The following C9orf85 variants were observed in gnomAD, a reference collection of about 807,000 sequenced individuals.
C9orf85 encodes chromosome 9 open reading frame 85, also known as uncharacterized protein C9orf85.
A neutral mutation model predicts 14.9 loss-of-function variants in C9orf85; 16 were observed. The observed-to-expected ratio is 1.08, with a 90% confidence interval of 0.73 to 1.63. The LOEUF is 1.63. C9orf85 is among the 40% of genes most tolerant of loss of function. The pLI, the probability that C9orf85 is intolerant of heterozygous loss-of-function variation, is 0.00. For missense variants in C9orf85, 172 were observed against 186.1 expected, an observed-to-expected ratio of 0.92 and a Z score of 0.44; for synonymous variants, 45 against 56.8, an observed-to-expected ratio of 0.79 and a Z score of 0.93.
intron 2 of C9orf85, among the ~76,000 whole-genome samples, chr9:71,950,443 C>A (rs1822215485): frequency 6.6e-6 from 1 of 152,176 alleles, no homozygotes; most frequent in African/African-American, 2.4e-5. Context: ...TCTCAGCTCA[C>A]TGCAGCCTCT....
intron 2 of C9orf85, among the ~76,000 whole-genome samples, chr9:71,964,586 C>T (rs1056550600): frequency 6.6e-6 from 1 of 152,110 alleles, no homozygotes; most frequent in Non-Finnish European, 1.5e-5. Context: ...ACCACGAACC[C>T]ACCAGAAGGA....
At chr9:71,916,944 A>G (rs1258609587) in intron 1 of C9orf85, among the ~76,000 whole-genome samples, 1 of 152,180 alleles carries the variant, frequency 6.6e-6, no homozygotes, top group Non-Finnish European at 1.5e-5. Flanking sequence ...TATCTATAAT[A>G]ATTTCATCTT....
chr9:71,914,652 A>C (rs1827598857), intron 1 of C9orf85, among the ~76,000 whole-genome samples: 1 of 152,224 alleles, frequency 6.6e-6, no homozygotes, highest in African/African-American at 2.4e-5. Flanking sequence ...CTTTCTTTAT[A>C]TGCTTGAATA....
intron 3 of C9orf85, among the ~76,000 whole-genome samples, chr9:71,972,264 A>G (rs945746871): frequency 6.8e-6 from 1 of 147,178 alleles, no homozygotes; most frequent in Non-Finnish European, 1.5e-5. Context: ...GCGTTCAATG[A>G]TTTTTTTTTT....
At chr9:71,974,375 C>T (rs914546816), downstream of C9orf85, among the ~76,000 whole-genome samples, 5 of 151,450 alleles carry the variant, frequency 3.3e-5, no homozygotes, top group East Asian at 1.9e-4. Context: ...TCCCTAGTAG[C>T]GGGGACTGCA....
chr9:71,964,632 A>G (rs978451112), intron 2 of C9orf85, among the ~76,000 whole-genome samples: 1 of 152,066 alleles, frequency 6.6e-6, no homozygotes, highest in African/African-American at 2.4e-5. Flanking sequence ...CAGAAGGAAC[A>G]AACTCCAGAC....
intron 2 of C9orf85, among the ~76,000 whole-genome samples, chr9:71,954,448 G>A (rs1475900188): frequency 6.6e-6 from 1 of 152,196 alleles, no homozygotes; most frequent in Admixed American, 6.6e-5. Context: ...TAAGAAAGTA[G>A]AAGAATAAAA....
intron 1 of C9orf85, among the ~76,000 whole-genome samples, chr9:71,938,663 A>G (rs1828252427): frequency 6.6e-6 from 1 of 151,954 alleles, no homozygotes; most frequent in South Asian, 2.1e-4. Context: ...TTTATTTTTT[A>G]CTATGAGATT....
At chr9:71,925,090 G>A (rs1271249567) in intron 1 of C9orf85, among the ~76,000 whole-genome samples, 1 of 152,208 alleles carries the variant, frequency 6.6e-6, no homozygotes, top group African/African-American at 2.4e-5. Flanking sequence ...TACTGTGGTA[G>A]TTAATTCTAA....
intron 1 of C9orf85, among the ~76,000 whole-genome samples, chr9:71,934,208 G>A (rs1423822293): frequency 6.6e-6 from 1 of 151,918 alleles, no homozygotes; most frequent in East Asian, 1.9e-4. Flanking sequence ...GACAGGTGTT[G>A]TGCCAGGCAC....
intron 2 of C9orf85, among the ~76,000 whole-genome samples, chr9:71,962,497 G>A (rs1246142064): frequency 6.6e-6 from 1 of 152,202 alleles, no homozygotes; most frequent in African/African-American, 2.4e-5. Flanking sequence ...GTGGAGTACT[G>A]TGGAACACTG....
chr9:71,960,573 T>A (rs1461974463), intron 2 of C9orf85, among the ~76,000 whole-genome samples: 2 of 152,186 alleles, frequency 1.3e-5, no homozygotes, highest in Non-Finnish European at 2.9e-5. Context: ...AGGTCTTTTT[T>A]GTCTGTTTTT....
downstream of C9orf85, among the ~76,000 whole-genome samples, chr9:71,978,250 C>G (rs1279175767): frequency 1.3e-5 from 2 of 151,978 alleles, no homozygotes; most frequent in Admixed American, 6.5e-5. Context: ...GCTGGGATTA[C>G]AGGTGCCCGC....
At chr9:71,976,579 A>T, downstream of C9orf85, among the ~76,000 whole-genome samples, 2 of 151,734 alleles carry the variant, frequency 1.3e-5, no homozygotes, top group South Asian at 4.2e-4. Flanking sequence ...GGAGAATGGC[A>T]TGAACCCGGG....
At chr9:71,934,399 CTT>C (rs1476420026) in intron 1 of C9orf85, among the ~76,000 whole-genome samples, 1 of 152,202 alleles carries the variant, frequency 6.6e-6, no homozygotes, top group Admixed American at 6.5e-5. Context: ...GCCCAGTTCT[CTT>C]TGTTTGGCGT....
intron 2 of C9orf85, among the ~76,000 whole-genome samples, chr9:71,959,587 A>AT (rs1177718272): frequency 3.3e-5 from 5 of 152,314 alleles, no homozygotes; most frequent in Admixed American, 2.6e-4. Context: ...TAGCATCTAG[A>AT]TTTTTTAAAG....
At chr9:71,986,022 TA>T (rs1823206228), downstream of C9orf85, 1 of 152,230 alleles carries the variant, frequency 6.6e-6, no homozygotes. Flanking sequence ...TTGTGATATA[TA>T]TTTACAATAA....
chr9:71,954,233 T>C (rs1410569788), intron 2 of C9orf85, among the ~76,000 whole-genome samples: 1 of 146,888 alleles, frequency 6.8e-6, no homozygotes, highest in Non-Finnish European at 1.5e-5. Flanking sequence ...TCTGCTTTTA[T>C]ATGTGTACTA....
intron 2 of C9orf85, among the ~76,000 whole-genome samples, chr9:71,954,993 T>C (rs1822347327): frequency 1.3e-5 from 2 of 152,170 alleles, no homozygotes. Context: ...AAGATAATAT[T>C]TTATTAACCA....
Sources: allele counts gnomAD v4.1 joint callset (sites outside exome capture counted in the v4.1 genomes callset), GRCh38; gene constraint gnomAD v4.1.1; transcripts MANE v1.5; gene names NCBI Gene and HGNC (gene_info 2026-07-23, HGNC 2026-07-21).